The following PRKN variants were observed in gnomAD, a reference collection of about 807,000 sequenced individuals.
PRKN encodes the protein parkin RBR E3 ubiquitin protein ligase.
A neutral mutation model predicts 59.5 loss-of-function variants in PRKN; 56 were observed. The ratio of observed to expected loss-of-function variants is 0.94; its 90% CI spans 0.76 to 1.18. The LOEUF is 1.18. Ranked by LOEUF, PRKN falls within the 50% of genes most tolerant of loss-of-function variation. The pLI is 0.00. For missense variants in PRKN, 657 were observed against 596.4 expected (o/e 1.10, Z -1.06); for synonymous variants, 250 against 222.1 (o/e 1.13, Z -1.12).
At chr6:162,347,830 T>TA (rs1287359043) in intron 2 of PRKN, among the ~76,000 whole-genome samples, 1 of 152,196 alleles carries the variant, frequency 6.6e-6, no homozygotes, top group Non-Finnish European at 1.5e-5. Flanking sequence ...GTTTTGAAGA[T>TA]ACTGGCTATC....
At chr6:161,906,337 A>G (rs978803212) in intron 6 of PRKN, among the ~76,000 whole-genome samples, 31 of 152,178 alleles carry the variant, frequency 2.0e-4, no homozygotes, top group African/African-American at 7.5e-4. Context: ...TAGGTACAGG[A>G]ATCCATGTTG....
chr6:162,404,370 A>G (rs1345742678), intron 2 of PRKN, among the ~76,000 whole-genome samples: 7 of 136,754 alleles, frequency 5.1e-5, no homozygotes, highest in Non-Finnish European at 7.9e-5. Context: ...ACTCTGTCAG[A>G]AAAAAAAAAA....
At chr6:161,822,173 C>T (rs931777687) in intron 6 of PRKN, among the ~76,000 whole-genome samples, 14 of 152,210 alleles carry the variant, frequency 9.2e-5, no homozygotes, top group Admixed American at 2.6e-4. Flanking sequence ...ATGGGACATG[C>T]GGTCATACAG....
chr6:162,429,647 C>T (rs866546668), intron 2 of PRKN, among the ~76,000 whole-genome samples: 13 of 152,240 alleles, frequency 8.5e-5, no homozygotes, highest in Middle Eastern at 3.4e-3. Flanking sequence ...CCCTGTCACA[C>T]CCACGACACA....
At chr6:162,238,430 T>C (rs1383914414) in intron 3 of PRKN, among the ~76,000 whole-genome samples, 3 of 152,240 alleles carry the variant, frequency 2.0e-5, no homozygotes, top group Non-Finnish European at 2.9e-5. Context: ...TATGTTGTCA[T>C]TAAGTGACAC....
At chr6:161,811,527 C>T (rs758085340) in intron 6 of PRKN, among the ~76,000 whole-genome samples, 2 of 152,058 alleles carry the variant, frequency 1.3e-5, no homozygotes, top group Non-Finnish European at 1.5e-5. Flanking sequence ...AACATATGCA[C>T]GATAGCAACA....
chr6:161,492,332 G>C (rs1340901832), intron 9 of PRKN, among the ~76,000 whole-genome samples: 1 of 152,150 alleles, frequency 6.6e-6, no homozygotes, highest in African/African-American at 2.4e-5. Flanking sequence ...TATGGTCTTG[G>C]ACAAGACCAA....
chr6:162,650,769 T>C (rs987398615), intron 1 of PRKN, among the ~76,000 whole-genome samples: 1 of 152,160 alleles, frequency 6.6e-6, no homozygotes, highest in African/African-American at 2.4e-5. Context: ...CAATAATCTT[T>C]GTCCATTCTC....
At chr6:161,731,223 C>T (rs1787697453) in intron 7 of PRKN, among the ~76,000 whole-genome samples, 1 of 152,242 alleles carries the variant, frequency 6.6e-6, no homozygotes, top group African/African-American at 2.4e-5. Flanking sequence ...TGCAGGGTTA[C>T]AGGAATAAGG....
chr6:162,093,315 C>A lies in PRKN; in HGVS notation c.535-39141G>T, dbSNP rs560972061. Among the ~76,000 whole-genome samples, 102 of 152,274 alleles carry A rather than the reference C, an allele frequency of 6.7e-4. 1 individual carries two copies. Among genetic ancestry groups the A allele is most frequent in the Middle Eastern group, 6.8e-3 (2 of 294 alleles). On this transcript the variant is annotated intron_variant, in intron 4 of 11. Transcript: ENST00000366898. ...AAATTATTAGCTGCACTTCCTCTTC[C>A]TTGCCTCTACCAGGAACTCTAGCAT... is the stretch of plus-strand genomic sequence containing the variant.
At chr6:162,139,992 T>C (rs540122762) in intron 4 of PRKN, among the ~76,000 whole-genome samples, 4 of 152,228 alleles carry the variant, frequency 2.6e-5, no homozygotes, top group African/African-American at 4.8e-5. Flanking sequence ...GGAAACTTAA[T>C]GTCACCAATG....
intron 7 of PRKN, among the ~76,000 whole-genome samples, chr6:161,645,273 A>G (rs1250603847): frequency 6.6e-6 from 1 of 152,114 alleles, no homozygotes; most frequent in African/African-American, 2.4e-5. Context: ...TTACGGAAAC[A>G]TACTAACCGA....
intron 7 of PRKN, among the ~76,000 whole-genome samples, chr6:161,779,684 C>G (rs549183371): frequency 4.6e-5 from 7 of 152,140 alleles, no homozygotes; most frequent in African/African-American, 1.7e-4. Context: ...CTCAAGTGAT[C>G]TGCCTACCTC....
intron 8 of PRKN, among the ~76,000 whole-genome samples, chr6:161,558,562 C>CAAA (rs150088657): frequency 5.0e-5 from 6 of 118,932 alleles, no homozygotes; most frequent in African/African-American, 1.5e-4. Flanking sequence ...GAGACTTTCT[C>CAAA]AAAAAAAAAA....
intron 9 of PRKN, among the ~76,000 whole-genome samples, chr6:161,482,242 C>T (rs752629522): frequency 6.6e-6 from 1 of 152,140 alleles, no homozygotes; most frequent in Non-Finnish European, 1.5e-5. Flanking sequence ...AGTTTTATGG[C>T]TCCAATATTA....
At chr6:162,270,552 G>T (rs1029818580) in intron 2 of PRKN, among the ~76,000 whole-genome samples, 21 of 152,122 alleles carry the variant, frequency 1.4e-4, no homozygotes, top group African/African-American at 5.1e-4. Context: ...TTTCTAATGT[G>T]TAATAACTTT....
intron 2 of PRKN, among the ~76,000 whole-genome samples, chr6:162,415,933 G>A (rs1788610231): frequency 6.6e-6 from 1 of 152,132 alleles, no homozygotes; most frequent in Non-Finnish European, 1.5e-5. Flanking sequence ...CTCGTTAATA[G>A]GCATCTCTCC....
At position 161,525,253 on chromosome 6, in the gene PRKN, C is replaced by T. The variant is rs1473782691; in HGVS notation, c.1083+23601G>A. Among the ~76,000 whole-genome samples, 1 of 152,030 alleles carries T rather than the reference C, an allele frequency of 6.6e-6. No homozygotes were observed. Among genetic ancestry groups the T allele is most frequent in the African/African-American group, 2.4e-5 (1 of 41,376 alleles). ...ATAAAACAGGACAACAAATCTTACA[C>T]TAAAAATTTGCTCTGTAGAGTTGCA... On this transcript the variant is annotated intron_variant, in intron 9 of 11. Coordinates refer to ENST00000366898, the MANE Select transcript of PRKN (RefSeq NM_004562.3). This position sits in a 1 kb window ranked among gnomAD's most constrained non-coding sequence, Gnocchi z 4.7.
chr6:162,471,750 A>G (rs1000892608), intron 1 of PRKN, among the ~76,000 whole-genome samples: 2 of 152,230 alleles, frequency 1.3e-5, no homozygotes, highest in Non-Finnish European at 2.9e-5. Context: ...TAATCTATGC[A>G]TATGTACTAA....
Sources: allele counts gnomAD v4.1 joint callset (sites outside exome capture counted in the v4.1 genomes callset), GRCh38; gene constraint gnomAD v4.1.1; non-coding constraint Gnocchi (gnomAD v3.1); transcripts MANE v1.5; gene names NCBI Gene and HGNC (gene_info 2026-07-23, HGNC 2026-07-21).